RPS6KC1: variants seen among roughly 807,000 people sequenced by gnomAD.
RPS6KC1 encodes inactive ribosomal protein S6 kinase delta-1.
Under a neutral mutation model 103.8 loss-of-function variants are expected in RPS6KC1, and 54 were observed. The observed-to-expected ratio is 0.52, with a 90% CI of 0.42 to 0.65. RPS6KC1 has a LOEUF of 0.65. Among genes scored for constraint, RPS6KC1 ranks in the 30% least tolerant of loss-of-function variants. The pLI, the probability that RPS6KC1 is intolerant of heterozygous loss-of-function variation, is 0.00. For synonymous variants in RPS6KC1, 439 were observed against 438.7 expected (o/e 1.00, Z -0.01); for missense variants, 1,151 against 1,253.8 (o/e 0.92, Z 1.24).
chr1:213,377,599 T>G, the RPS6KC1 span, among the ~76,000 whole-genome samples: 7 of 152,226 alleles, frequency 4.6e-5, no homozygotes, highest in Non-Finnish European at 8.8e-5. Context: ...CTTATTTGTT[T>G]TGAATAATAA....
chr1:213,340,041 C>T, the RPS6KC1 span, among the ~76,000 whole-genome samples: 12 of 152,194 alleles, frequency 7.9e-5, no homozygotes, highest in East Asian at 1.5e-3. Flanking sequence ...TACAGGCATG[C>T]GCCACCATGC....
chr1:213,853,242 G>A, the RPS6KC1 span, among the ~76,000 whole-genome samples: 16 of 152,312 alleles, frequency 1.1e-4, no homozygotes, highest in African/African-American at 3.8e-4. Context: ...CAGCCACATG[G>A]TGGAGGCCAG....
chr1:213,762,341 CT>C, the RPS6KC1 span, among the ~76,000 whole-genome samples: 1 of 152,182 alleles, frequency 6.6e-6, no homozygotes, highest in Admixed American at 6.5e-5. Flanking sequence ...TTCTCTTTGC[CT>C]TTCTGTCTTC....
intron 3 of RPS6KC1, among the ~76,000 whole-genome samples, chr1:213,100,377 G>T (rs755144590): frequency 1.3e-5 from 2 of 151,930 alleles, no homozygotes; most frequent in Non-Finnish European, 2.9e-5. Flanking sequence ...TCAGTTGTTC[G>T]TCTATTCATG....
At chr1:213,506,939 C>A in the RPS6KC1 span, among the ~76,000 whole-genome samples, 1 of 152,186 alleles carries the variant, frequency 6.6e-6, no homozygotes, top group South Asian at 2.1e-4. Flanking sequence ...GGCAATTCAT[C>A]CCATTCCTTT....
the RPS6KC1 span, among the ~76,000 whole-genome samples, chr1:213,415,385 GTCT>G: frequency 4.6e-5 from 7 of 152,220 alleles, no homozygotes; most frequent in East Asian, 1.9e-4. Flanking sequence ...GTGAGGGTAA[GTCT>G]TCTTCTTTCC....
intron 3 of RPS6KC1, among the ~76,000 whole-genome samples, chr1:213,102,605 G>A (rs765254840): frequency 1.2e-4 from 18 of 152,156 alleles, no homozygotes; most frequent in Non-Finnish European, 1.9e-4. Flanking sequence ...GGGCTGTCAT[G>A]TACCCATTTG....
At chr1:213,382,229 TC>T in the RPS6KC1 span, among the ~76,000 whole-genome samples, 1 of 152,110 alleles carries the variant, frequency 6.6e-6, no homozygotes, top group Non-Finnish European at 1.5e-5. Flanking sequence ...TCAGCTTTTC[TC>T]CCCCTGGGTT....
chr1:213,104,503 C>T lies in RPS6KC1; in HGVS notation c.312C>T (p.Asp104=), dbSNP rs748588160. ...AAGAGAGAAGACAATGTGCTGAAGA[C>T]CTGCTACAGTTCTCTGCCAATATTC... ...VIEERRQCAE[D]LLQFSANIPA... The change falls in exon 4 of 15, where the codon GAC becomes GAT. Residue 104 remains aspartate, a synonymous_variant. Transcript: ENST00000366960. 11 of 1,612,790 alleles carry T rather than the reference C, an allele frequency of 6.8e-6. No homozygotes were observed. The Admixed American group carries it at 1.8e-4, about 27-fold the overall frequency.
chr1:213,747,137 A>G, the RPS6KC1 span, among the ~76,000 whole-genome samples: 1 of 152,108 alleles, frequency 6.6e-6, no homozygotes, highest in African/African-American at 2.4e-5. Flanking sequence ...TTCCAACATT[A>G]AGAGTCTGGG....
At chr1:213,752,315 A>G in the RPS6KC1 span, among the ~76,000 whole-genome samples, 1 of 152,178 alleles carries the variant, frequency 6.6e-6, no homozygotes, top group South Asian at 2.1e-4. Flanking sequence ...TCACAGTCCA[A>G]AAACACATCA....
chr1:213,709,179 C>G, the RPS6KC1 span, among the ~76,000 whole-genome samples: 1 of 152,128 alleles, frequency 6.6e-6, no homozygotes, highest in Admixed American at 6.6e-5. Context: ...CCGTCTGGTC[C>G]TGGGCTTTTT....
At chr1:213,561,064 G>A in the RPS6KC1 span, among the ~76,000 whole-genome samples, 1 of 152,202 alleles carries the variant, frequency 6.6e-6, no homozygotes, top group African/African-American at 2.4e-5. Flanking sequence ...GGCAATGAAA[G>A]AGAGGTTAGT....
At chr1:213,752,172 G>A in the RPS6KC1 span, among the ~76,000 whole-genome samples, 2 of 152,070 alleles carry the variant, frequency 1.3e-5, no homozygotes, top group East Asian at 1.9e-4. Flanking sequence ...AATACCCTTC[G>A]ATAGGTCAGA....
chr1:213,212,195 G>A (rs2093526205), intron 8 of RPS6KC1, among the ~76,000 whole-genome samples: 1 of 151,954 alleles, frequency 6.6e-6, no homozygotes, highest in Non-Finnish European at 1.5e-5. Context: ...ATCATACAGA[G>A]TATTTTCACT....
chr1:213,662,199 T>C, the RPS6KC1 span, among the ~76,000 whole-genome samples: 1 of 144,934 alleles, frequency 6.9e-6, no homozygotes, highest in East Asian at 2.0e-4. Context: ...AAAAGATAGC[T>C]CTCAGGTGCT....
the RPS6KC1 span, chr1:213,820,424 G>C: frequency 6.6e-6 from 1 of 152,184 alleles, no homozygotes; most frequent in South Asian, 2.1e-4. Flanking sequence ...TCAGTGGTGG[G>C]AACCCAGCAC....
chr1:213,816,374 CTGCTCTTCAGGGGCATGGAT>C, the RPS6KC1 span, among the ~76,000 whole-genome samples: 1 of 152,212 alleles, frequency 6.6e-6, no homozygotes. Context: ...ATAATTATCC[CTGCTCTTCAGGGGCATGGAT>C]TGCTTACTGT....
the RPS6KC1 span, among the ~76,000 whole-genome samples, chr1:213,673,075 G>T: frequency 2.0e-5 from 3 of 152,190 alleles, no homozygotes; most frequent in African/African-American, 7.2e-5. Flanking sequence ...ATATGTCATA[G>T]ACCTGAAGCT....
Sources: allele counts gnomAD v4.1 joint callset (sites outside exome capture counted in the v4.1 genomes callset), GRCh38; gene constraint gnomAD v4.1.1; transcripts MANE v1.5; gene names NCBI Gene and HGNC (gene_info 2026-07-23, HGNC 2026-07-21).